Variants in GALNT9 observed in about 807,000 individuals in gnomAD.
GALNT9 encodes GalNAc transferase 9.
GALNT9 carries 47 observed loss-of-function variants against 63.1 expected under a neutral mutation model. The ratio of observed to expected loss-of-function variants is 0.75; its 90% CI spans 0.59 to 0.95. The LOEUF (loss-of-function observed/expected upper bound fraction) is 0.95. Among genes scored for constraint, GALNT9 ranks in the 40% least tolerant of loss-of-function variants. GALNT9 has a pLI of 0.00. For missense variants in GALNT9, 829 were observed against 874.8 expected (o/e 0.95, Z 0.66); for synonymous variants, 396 against 365.7 (o/e 1.08, Z -0.94).
intron 1 of GALNT9, among the ~76,000 whole-genome samples, chr12:132,328,232 C>G (rs544479528): frequency 6.6e-6 from 1 of 152,278 alleles, no homozygotes; most frequent in South Asian, 2.1e-4. Flanking sequence ...TCGGGCTGAC[C>G]TACGTCCGCT....
At chr12:132,271,819 C>T (rs991475126) in intron 2 of GALNT9, among the ~76,000 whole-genome samples, 4 of 152,042 alleles carry the variant, frequency 2.6e-5, no homozygotes, top group Non-Finnish European at 4.4e-5. Context: ...GGCTCCCACG[C>T]GTGGGAGGCC....
intron 4 of GALNT9, among the ~76,000 whole-genome samples, chr12:132,260,169 G>A (rs1879322307): frequency 6.6e-6 from 1 of 152,210 alleles, no homozygotes; most frequent in Non-Finnish European, 1.5e-5. Context: ...AGGCAGGGAT[G>A]GAGAAACAGA....
At position 132,261,350 on chromosome 12, in the gene GALNT9, CCAGACAGACAGA is replaced by C. The variant is rs150349499; in HGVS notation, c.587-240_587-229del. ...GAGACACAGCAAATAAGGAAACACA[CCAGACAGACAGA>C]CAGACAGAGAGACAGACAGCAGCCC... On this transcript the variant is annotated intron_variant, in intron 3 of 10. Coordinates refer to ENST00000328957, the MANE Select transcript of GALNT9 (RefSeq NM_001122636.2). Among the ~76,000 whole-genome samples the C allele has an allele frequency of 6.7e-3, 1,019 of 152,258 alleles. 21 individuals are homozygous for C. The East Asian group carries it at 0.084, about 13-fold the overall frequency.
chr12:132,262,434 C>T (rs1555239860), intron 3 of GALNT9, 25 bp downstream of exon 3: 7 of 1,540,374 alleles, frequency 4.5e-6, no homozygotes, highest in Middle Eastern at 1.7e-4. Context: ...CCGGCGAGCA[C>T]CGTGCCGAGG....
intron 2 of GALNT9, chr12:132,277,374 G>A (rs1409171543): frequency 6.5e-6 from 1 of 154,974 alleles, no homozygotes; most frequent in East Asian, 1.9e-4. Flanking sequence ...GCCACGTCCA[G>A]TCTGAGCCAT....
chr12:132,199,623 A>G (rs1875842644), intron 8 of GALNT9, among the ~76,000 whole-genome samples: 1 of 152,128 alleles, frequency 6.6e-6, no homozygotes, highest in South Asian at 2.1e-4. Context: ...ACCGCTCGCC[A>G]GCCTTGCAGT....
rs2136905456 is a variant in GALNT9 at position 132,243,430 on chromosome 12, G to T, written c.1077+4480C>A. ...GGGGCCCCAGTCCTCCTCGTCTTCC[G>T]GAGCTCTCTCTCTCTGGTGGGGGCC... On this transcript the variant is annotated intron_variant, in intron 6 of 10. Transcript: ENST00000328957. 9.2e-5 allele frequency among the ~76,000 whole-genome samples: 14 copies of T among 152,230 alleles called. 2 individuals carry two copies. In the South Asian group the frequency reaches 2.9e-3, roughly 32 times the overall value.
intron 1 of GALNT9, among the ~76,000 whole-genome samples, chr12:132,317,731 C>T (rs1868587538): frequency 6.6e-6 from 1 of 152,204 alleles, no homozygotes; most frequent in Non-Finnish European, 1.5e-5. Flanking sequence ...CTGGCCCCAC[C>T]TTCGGGCCCC....
intron 9 of GALNT9, among the ~76,000 whole-genome samples, chr12:132,198,276 A>G (rs1875694078): frequency 6.6e-6 from 1 of 152,212 alleles, no homozygotes; most frequent in African/African-American, 2.4e-5. Context: ...CGGGGAGGAC[A>G]GGAGTTGGGT....
intron 1 of GALNT9, among the ~76,000 whole-genome samples, chr12:132,322,748 G>A (rs1031706630): frequency 1.3e-5 from 2 of 152,228 alleles, no homozygotes; most frequent in African/African-American, 2.4e-5. Context: ...CCAGGGGACC[G>A]GGCGCAGAGC....
At chr12:132,308,174 G>C (rs1881685408) in intron 1 of GALNT9, among the ~76,000 whole-genome samples, 1 of 152,214 alleles carries the variant, frequency 6.6e-6, no homozygotes, top group Admixed American at 6.5e-5. Context: ...GGAGCCCCAG[G>C]AGCTGGGAGG....
intron 1 of GALNT9, among the ~76,000 whole-genome samples, chr12:132,323,683 AT>A (rs1868905683): frequency 6.6e-6 from 1 of 152,390 alleles, no homozygotes; most frequent in Admixed American, 6.5e-5. Context: ...CGGAGAGGCA[AT>A]CCCCGTCCAG....
intron 1 of GALNT9, among the ~76,000 whole-genome samples, chr12:132,291,925 C>T (rs1880875237): frequency 6.6e-6 from 1 of 152,218 alleles, no homozygotes; most frequent in African/African-American, 2.4e-5. Context: ...TCCGGCTCCT[C>T]ACGGCAGCTG....
chr12:132,291,939 C>A lies in GALNT9; in HGVS notation c.239-5509G>T, dbSNP rs1299543446. Among the ~76,000 whole-genome samples the A allele has an allele frequency of 3.3e-5, 5 of 152,152 alleles. No homozygotes were observed. The East Asian group carries it at 9.6e-4, about 29-fold the overall frequency. On this transcript the variant is annotated intron_variant, in intron 1 of 10. Coordinates refer to ENST00000328957, the MANE Select transcript of GALNT9 (RefSeq NM_001122636.2). Reference sequence around the variant, plus strand: ...TTCCGGCTCCTCACGGCAGCTGTGGCCCCCCCAGCCCCTGCAGCCCTCGTG... The same window carrying A: ...TTCCGGCTCCTCACGGCAGCTGTGGACCCCCCAGCCCCTGCAGCCCTCGTG...
intron 1 of GALNT9, among the ~76,000 whole-genome samples, chr12:132,305,130 C>A (rs1881535111): frequency 1.3e-5 from 1 of 76,664 alleles, no homozygotes. Flanking sequence ...CTCACCCGGG[C>A]ACAGCCTCGC....
chr12:132,266,512 C>T (rs1232281409), intron 2 of GALNT9, among the ~76,000 whole-genome samples: 2 of 152,186 alleles, frequency 1.3e-5, no homozygotes, highest in South Asian at 2.1e-4. Flanking sequence ...GGCAGGAGGC[C>T]ATGTGGAGGT....
At chr12:132,218,871 C>G (rs901754107) in intron 6 of GALNT9, among the ~76,000 whole-genome samples, 3 of 152,232 alleles carry the variant, frequency 2.0e-5, no homozygotes, top group Non-Finnish European at 4.4e-5. Flanking sequence ...GCATCTCAAA[C>G]AAATGAGAGA....
chr12:132,271,942 G>A (rs1365209901), intron 2 of GALNT9, among the ~76,000 whole-genome samples: 2 of 152,208 alleles, frequency 1.3e-5, no homozygotes, highest in African/African-American at 4.8e-5. Flanking sequence ...CACGTGAACT[G>A]TGTGTGTCTC....
chr12:132,324,207 T>C (rs1868929336), intron 1 of GALNT9, among the ~76,000 whole-genome samples: 1 of 152,146 alleles, frequency 6.6e-6, no homozygotes, highest in Non-Finnish European at 1.5e-5. Context: ...AACCCACACC[T>C]GACACCCTCC....
Sources: allele counts gnomAD v4.1 joint callset (sites outside exome capture counted in the v4.1 genomes callset), GRCh38; gene constraint gnomAD v4.1.1; transcripts MANE v1.5; gene names NCBI Gene and HGNC (gene_info 2026-07-23, HGNC 2026-07-21).